The following MSH3 variants were observed in gnomAD, a reference collection of about 807,000 sequenced individuals.
MSH3 encodes the protein DNA mismatch repair protein Msh3.
MSH3 carries 106 observed loss-of-function variants against 123.3 expected under a neutral mutation model. The observed-to-expected ratio is 0.86, with a 90% confidence interval of 0.73 to 1.01. The LOEUF is 1.01. Ranked by LOEUF, MSH3 falls within the 50% of genes least tolerant of loss-of-function variation. The pLI, the probability that MSH3 is intolerant of heterozygous loss-of-function variation, is 0.00. For synonymous variants in MSH3, 515 were observed against 481.4 expected (o/e 1.07, Z -0.91); for missense variants, 1,459 against 1,347.6 (o/e 1.08, Z -1.29).
At chr5:80,767,857 A>G in intron 13 of MSH3, 76 bp from the exon 14 acceptor site, 4 of 1,149,640 alleles carry the variant, frequency 3.5e-6, no homozygotes. Flanking sequence ...TTCTGATTCT[A>G]ACTTTTAAAA....
chr5:80,688,226 A>G (rs556167565), intron 8 of MSH3, among the ~76,000 whole-genome samples: 2 of 152,264 alleles, frequency 1.3e-5, no homozygotes, highest in African/African-American at 4.8e-5. Flanking sequence ...GCTTGAACAC[A>G]TAAGTGCTTC....
intron 17 of MSH3, among the ~76,000 whole-genome samples, chr5:80,785,000 A>G (rs1207511495): frequency 6.6e-6 from 1 of 152,218 alleles, no homozygotes; most frequent in Admixed American, 6.5e-5. Context: ...TATTCTAATA[A>G]TACTAGAAAT....
intron 19 of MSH3, among the ~76,000 whole-genome samples, chr5:80,797,733 G>C (rs1744721162): frequency 6.6e-6 from 1 of 152,164 alleles, no homozygotes; most frequent in Non-Finnish European, 1.5e-5. Flanking sequence ...TATTTTAATG[G>C]AACACTGGAT....
chr5:80,813,775 G>T lies in MSH3; in HGVS notation c.2813+34G>T, dbSNP rs780197668. 8.1e-6 allele frequency: 13 copies of T among 1,610,512 alleles called. No individual in the cohort carries two copies. Among genetic ancestry groups the T allele is most frequent in the Non-Finnish European group, 1.1e-5 (13 of 1,176,936 alleles). ...GTTAATTCAGCTTGCATATATTCTT[G>T]AAAATAAGTCAAGCCCACATTATCG... is the stretch of plus-strand genomic sequence containing the variant. On this transcript the variant is annotated intron_variant, in intron 20 of 23. Transcript: ENST00000265081.
chr5:80,705,316 A>T (rs1750695825), intron 8 of MSH3, among the ~76,000 whole-genome samples: 1 of 152,252 alleles, frequency 6.6e-6, no homozygotes. Context: ...ATTTTAAAAA[A>T]TGCCGATGCC....
intron 4 of MSH3, among the ~76,000 whole-genome samples, chr5:80,671,277 TG>T (rs1288697016): frequency 6.6e-6 from 1 of 152,184 alleles, no homozygotes; most frequent in Non-Finnish European, 1.5e-5. Flanking sequence ...ATGCTTGTGA[TG>T]ATTCTATAGT....
intron 12 of MSH3, chr5:80,746,702 G>A (rs981288942): frequency 5.6e-6 from 2 of 358,198 alleles, no homozygotes; most frequent in Non-Finnish European, 1.1e-5. Flanking sequence ...GAGCTGGGTC[G>A]TTATCTCCAT....
chr5:80,854,030 A>G, intron 20 of MSH3, 100 bp from the exon 21 acceptor site: 1 of 978,622 alleles, frequency 1.0e-6, no homozygotes, highest in Non-Finnish European at 1.6e-6. Context: ...AAATATATAG[A>G]TTCTTAGTGA....
chr5:80,782,386 A>G (rs1744426490), intron 17 of MSH3, among the ~76,000 whole-genome samples: 1 of 152,156 alleles, frequency 6.6e-6, no homozygotes, highest in African/African-American at 2.4e-5. Context: ...TTTCTGAAAC[A>G]GTACAGTATA....
chr5:80,778,497 T>C (rs1207653788), intron 16 of MSH3, among the ~76,000 whole-genome samples: 1 of 152,206 alleles, frequency 6.6e-6, no homozygotes, highest in Non-Finnish European at 1.5e-5. Context: ...GACTTTGCTA[T>C]ATGGGTATAA....
chr5:80,792,384 C>G (rs577321803), intron 18 of MSH3, among the ~76,000 whole-genome samples: 20 of 150,866 alleles, frequency 1.3e-4, no homozygotes, highest in African/African-American at 4.6e-4. Context: ...GCACTGCAGC[C>G]TGGGCAGCAC....
intron 17 of MSH3, among the ~76,000 whole-genome samples, chr5:80,779,763 A>G (rs1175411915): frequency 6.6e-6 from 1 of 150,876 alleles, no homozygotes; most frequent in East Asian, 2.0e-4. Flanking sequence ...ACGGGGTTTC[A>G]CCGTGTTAGC....
At chr5:80,818,660 A>G (rs1745148970) in intron 20 of MSH3, among the ~76,000 whole-genome samples, 2 of 152,212 alleles carry the variant, frequency 1.3e-5, no homozygotes, top group Admixed American at 6.5e-5. Flanking sequence ...TTATGATTTA[A>G]TAGAAAAATC....
At chr5:80,690,067 AC>A (rs1002752321) in intron 8 of MSH3, among the ~76,000 whole-genome samples, 8 of 151,544 alleles carry the variant, frequency 5.3e-5, no homozygotes, top group Non-Finnish European at 1.2e-4. Context: ...GGCATGCACC[AC>A]CCCTTACAGC....
chr5:80,875,762 A>C lies in MSH3; in HGVS notation c.3314A>C (p.Lys1105Thr). Residue 1105 changes from lysine to threonine, a missense_variant, in exon 24 of 24, where the codon AAG becomes ACG. Lys to Thr is a moderately conservative substitution (Grantham distance 78). Transcript: ENST00000265081. ...GLINTKRKRL[K>T]YFAKLWTMHN... ...TGATTTTTCCCCAGAAAGAGACTCA[A>C]GTATTTTGCAAAGTTATGGACGATG... is the stretch of plus-strand genomic sequence containing the variant. The C allele has an allele frequency of 6.2e-7, 1 of 1,610,042 alleles. No homozygotes were observed. The highest frequency in any genetic ancestry group is 8.5e-7 in the Non-Finnish European group (1 of 1,176,358).
At chr5:80,864,465 T>C (rs1248797437) in intron 21 of MSH3, among the ~76,000 whole-genome samples, 3 of 152,126 alleles carry the variant, frequency 2.0e-5, no homozygotes, top group Non-Finnish European at 4.4e-5. Context: ...TATATAATAA[T>C]AATATATTTA....
chr5:80,736,738 G>C (rs1029841115), intron 10 of MSH3, among the ~76,000 whole-genome samples: 3 of 152,172 alleles, frequency 2.0e-5, no homozygotes, highest in Admixed American at 2.0e-4. Flanking sequence ...CATGGGTGCT[G>C]AGTCTCTAAT....
chr5:80,831,529 G>A lies in MSH3; in HGVS notation c.2813+17788G>A, dbSNP rs146771690. ...TTTTATGCCTTTTAAATACCATATGGTGCCTACATATCTTTTAGTAATTGG... is the reference window on the plus strand; with the variant it reads ...TTTTATGCCTTTTAAATACCATATGATGCCTACATATCTTTTAGTAATTGG... On this transcript the variant is annotated intron_variant, in intron 20 of 23. Transcript: ENST00000265081. 5.3e-5 allele frequency among the ~76,000 whole-genome samples: 8 copies of A among 152,050 alleles called. 1 individual carries two copies. The highest frequency in any genetic ancestry group is 1.9e-4 in the African/African-American group (8 of 41,472).
intron 1 of MSH3, among the ~76,000 whole-genome samples, chr5:80,655,896 T>A (rs1749272236): frequency 6.6e-6 from 1 of 152,244 alleles, no homozygotes; most frequent in Admixed American, 6.5e-5. Context: ...TTATGTATGC[T>A]TTTGGCAAGT....
Sources: gnomAD v4.1 joint callset for allele counts (sites outside exome capture counted in the v4.1 genomes callset) on GRCh38, gnomAD v4.1.1 for gene constraint, MANE v1.5 for transcripts, NCBI Gene and HGNC (gene_info 2026-07-23, HGNC 2026-07-21) for gene names.